Variants in SLCO2A1 observed in about 807,000 individuals in gnomAD.
The protein encoded by SLCO2A1 is solute carrier organic anion transporter family member 2A1.
SLCO2A1 carries 60 observed loss-of-function variants against 71.7 expected under a neutral mutation model. That is an observed-to-expected ratio of 0.84 (90% CI 0.68 to 1.04). SLCO2A1 has a LOEUF of 1.04. SLCO2A1 is among the 50% of genes least tolerant of loss of function. SLCO2A1 has a pLI of 0.00. For missense variants in SLCO2A1, 745 were observed against 813.4 expected, an observed-to-expected ratio of 0.92 and a Z score of 1.02; for synonymous variants, 308 against 326.7, an observed-to-expected ratio of 0.94 and a Z score of 0.62.
At chr3:133,948,503 C>G (rs754704320) in intron 8 of SLCO2A1, 33 bp downstream of exon 8, 2 of 1,593,694 alleles carry the variant, frequency 1.3e-6, no homozygotes, top group Non-Finnish European at 1.7e-6. Flanking sequence ...CCCAGGCAAG[C>G]CCTGCGGATC....
intron 1 of SLCO2A1, among the ~76,000 whole-genome samples, chr3:134,005,090 G>A (rs779173174): frequency 1.1e-4 from 16 of 152,198 alleles, no homozygotes; most frequent in Non-Finnish European, 2.2e-4. Flanking sequence ...AGGGTAGGGC[G>A]AGCCCAGCTG....
At chr3:133,998,736 G>A (rs936115235) in intron 1 of SLCO2A1, 1 of 152,202 alleles carries the variant, frequency 6.6e-6, no homozygotes, top group Non-Finnish European at 1.5e-5. Flanking sequence ...ACCAGAGTGG[G>A]TCTACAGACA....
intron 3 of SLCO2A1, among the ~76,000 whole-genome samples, chr3:133,963,744 C>G (rs751216815): frequency 6.6e-6 from 1 of 152,234 alleles, no homozygotes; most frequent in Non-Finnish European, 1.5e-5. Context: ...TATCTGGAAT[C>G]ATGGCCAAGG....
intron 1 of SLCO2A1, among the ~76,000 whole-genome samples, chr3:134,012,491 G>A (rs564016771): frequency 2.0e-5 from 3 of 152,166 alleles, no homozygotes; most frequent in African/African-American, 7.2e-5. Flanking sequence ...GGATTCCTGC[G>A]TCTTTGAGCA....
At chr3:134,015,838 G>A (rs945726767) in intron 1 of SLCO2A1, among the ~76,000 whole-genome samples, 5 of 151,776 alleles carry the variant, frequency 3.3e-5, no homozygotes, top group South Asian at 2.1e-4. Flanking sequence ...CAGAAACAAC[G>A]AAACAAAATA....
chr3:133,939,131 A>C (rs1319709453), intron 11 of SLCO2A1, among the ~76,000 whole-genome samples: 1 of 152,178 alleles, frequency 6.6e-6, no homozygotes, highest in Non-Finnish European at 1.5e-5. Flanking sequence ...AGCTGTCTGG[A>C]AATTCTTAAT....
In SLCO2A1 at chr3:133,950,889, C is replaced by T. The variant is rs1297975655; in HGVS notation, c.861+319G>A. 5 of 367,766 alleles carry T rather than the reference C, an allele frequency of 1.4e-5. No individual in the cohort carries two copies. The East Asian group carries it at 2.0e-4, about 14-fold the overall frequency. 22.8% of individuals were successfully genotyped at this position (367,766 alleles called of 1,614,324 possible). The stretch of plus-strand genomic sequence containing the variant: ...AATGTAAAAGTTGACTGTACCAGGT[C>T]GCAGACTTGGCCTTTATTGGCTCTT... On this transcript the variant is annotated intron_variant, in intron 6 of 13. Transcript: ENST00000310926.
At chr3:133,935,690 CCACAGTAGCCACTGGG>C in intron 13 of SLCO2A1, 68 bp downstream of exon 13, 3 of 1,401,336 alleles carry the variant, frequency 2.1e-6, no homozygotes, top group Non-Finnish European at 2.8e-6. Context: ...CTGACAGCCC[CCACAGTAGCCACTGGG>C]CATATGACTA....
intron 3 of SLCO2A1, among the ~76,000 whole-genome samples, chr3:133,968,392 A>C (rs1176864562): frequency 6.6e-6 from 1 of 152,082 alleles, no homozygotes; most frequent in East Asian, 1.9e-4. Context: ...TTCACTGTGG[A>C]AAGGCTGAGC....
intron 3 of SLCO2A1, among the ~76,000 whole-genome samples, chr3:133,972,857 A>G (rs1934358027): frequency 6.6e-6 from 1 of 152,212 alleles, no homozygotes; most frequent in Non-Finnish European, 1.5e-5. Context: ...TGAAAGTAAC[A>G]CTAAAGGATA....
intron 11 of SLCO2A1, among the ~76,000 whole-genome samples, chr3:133,940,427 C>A (rs570267354): frequency 1.3e-5 from 2 of 152,192 alleles, no homozygotes; most frequent in Non-Finnish European, 1.5e-5. Flanking sequence ...TCTAGAGAAG[C>A]CCATCCTGTG....
chr3:133,951,272 G>C lies in SLCO2A1; in HGVS notation c.797C>G (p.Ala266Gly). The C allele has an allele frequency of 6.2e-7, 1 of 1,614,144 alleles. No homozygotes were observed. Among genetic ancestry groups the C allele is most frequent in the South Asian group, 1.1e-5 (1 of 91,086 alleles). ...GGGGAAAGAGGTGAGAACCAATAAA[G>C]CTGAAGAAATGAGCAGGCCTAGCCA... is the stretch of plus-strand genomic sequence containing the variant. Reference protein sequence around the residue: ...AWWLGLLISSALLVLTSFPFF... With the variant: ...AWWLGLLISSGLLVLTSFPFF... Residue 266 changes from alanine (A) to glycine (G), a missense_variant, in exon 6 of 14, where the codon GCT becomes GGT. Coordinates refer to ENST00000310926, the MANE Select transcript of SLCO2A1 (RefSeq NM_005630.3).
chr3:133,942,507 G>A (rs955652259), intron 11 of SLCO2A1, 98 bp downstream of exon 11: 1 of 1,286,048 alleles, frequency 7.8e-7, no homozygotes, highest in Middle Eastern at 2.5e-4. Flanking sequence ...GGCCACAAAA[G>A]GGGGGAGAGA....
At position 133,981,993 on chromosome 3, in the gene SLCO2A1, AAC is replaced by A. The variant is rs1175425209; in HGVS notation, c.97-2377_97-2376del. ...CCGTCTCAAAAAAAAAAAAAAAAAAAACAAAACAAGAAAAAGAAAAACAGTCA... is the reference window on the plus strand; with the variant it reads ...CCGTCTCAAAAAAAAAAAAAAAAAAAAAAACAAGAAAAAGAAAAACAGTCA... On this transcript the variant is annotated intron_variant, in intron 1 of 13. Coordinates refer to ENST00000310926, the MANE Select transcript of SLCO2A1 (RefSeq NM_005630.3). 1.6e-3 allele frequency among the ~76,000 whole-genome samples: 232 copies of A among 145,098 alleles called. 2 individuals carry two copies. The highest frequency in any genetic ancestry group is 5.1e-3 in the African/African-American group (203 of 39,930).
Position 134,018,373 on chromosome 3 carries a change from C to A in SLCO2A1, c.96+11334G>T, listed in dbSNP as rs115081084. 7.7e-3 allele frequency among the ~76,000 whole-genome samples: 1,172 copies of A among 152,298 alleles called. 16 individuals carry two copies. Among genetic ancestry groups the A allele is most frequent in the African/African-American group, 0.025 (1,054 of 41,556 alleles). ...TTGCTCTGGAAACTGATTAGTTAAG[C>A]AAGCCCAAGATGCCTCCCCATTGCT... On this transcript the variant is annotated intron_variant, in intron 1 of 13. Coordinates refer to ENST00000310926, the MANE Select transcript of SLCO2A1 (RefSeq NM_005630.3).
chr3:133,943,765 A>G (rs1339999168), intron 10 of SLCO2A1, among the ~76,000 whole-genome samples: 1 of 152,244 alleles, frequency 6.6e-6, no homozygotes, highest in East Asian at 1.9e-4. Flanking sequence ...AAGGCAACTT[A>G]AAGAGCATCT....
intron 3 of SLCO2A1, among the ~76,000 whole-genome samples, chr3:133,970,105 T>C (rs1168693179): frequency 6.6e-6 from 1 of 152,182 alleles, no homozygotes; most frequent in African/African-American, 2.4e-5. Context: ...GTAAGGTGCT[T>C]TCTCCTTTGG....
At chr3:133,978,303 A>C (rs1273413381) in intron 2 of SLCO2A1, among the ~76,000 whole-genome samples, 2 of 152,174 alleles carry the variant, frequency 1.3e-5, no homozygotes, top group Admixed American at 1.3e-4. Flanking sequence ...CCCTGGCTGC[A>C]CCATGCACAT....
At chr3:133,955,641 C>T (rs2108046173) in intron 3 of SLCO2A1, among the ~76,000 whole-genome samples, 1 of 152,228 alleles carries the variant, frequency 6.6e-6, no homozygotes, top group East Asian at 1.9e-4. Context: ...GGCTCTGGGC[C>T]CCCAGGGTTC....
Sources: allele counts gnomAD v4.1 joint callset (sites outside exome capture counted in the v4.1 genomes callset), GRCh38; gene constraint gnomAD v4.1.1; transcripts MANE v1.5; gene names NCBI Gene and HGNC (gene_info 2026-07-23, HGNC 2026-07-21).